Variants in NCAM1 observed in about 807,000 individuals in gnomAD.
NCAM1 encodes neural cell adhesion molecule 1.
Under a neutral mutation model 109.8 loss-of-function variants are expected in NCAM1, and 14 were observed. That is an observed-to-expected ratio of 0.13 (90% CI 0.08 to 0.20). The LOEUF (loss-of-function observed/expected upper bound fraction) is 0.20. NCAM1 is among the 10% of genes least tolerant of loss of function. The pLI is 1.00. For synonymous variants in NCAM1, 418 were observed against 442.9 expected (o/e 0.94, Z 0.70); for missense variants, 774 against 1,109.9 (o/e 0.70, Z 4.30).
At chr11:113,245,514 TAC>T (rs782379409) in intron 14 of NCAM1, among the ~76,000 whole-genome samples, 16 of 152,194 alleles carry the variant, frequency 1.1e-4, no homozygotes, top group Non-Finnish European at 1.9e-4. Flanking sequence ...GGGCCAAAGG[TAC>T]AGTTTCTGCT....
chr11:113,105,214 A>G (rs1260527690), intron 1 of NCAM1, among the ~76,000 whole-genome samples: 1 of 152,214 alleles, frequency 6.6e-6, no homozygotes, highest in Non-Finnish European at 1.5e-5. Context: ...GTGGGACCCC[A>G]GTAGCAGATG....
intron 1 of NCAM1, among the ~76,000 whole-genome samples, chr11:112,985,927 G>A (rs1555069558): frequency 6.6e-6 from 1 of 151,766 alleles, no homozygotes. Flanking sequence ...AATTGCTCTG[G>A]CTAGGACTTT....
intron 1 of NCAM1, among the ~76,000 whole-genome samples, chr11:113,001,309 C>A (rs531452277): frequency 7.2e-5 from 11 of 152,246 alleles, no homozygotes; most frequent in African/African-American, 2.2e-4. Flanking sequence ...GAAATGCTTG[C>A]CCTAGTTCAA....
intron 17 of NCAM1, among the ~76,000 whole-genome samples, chr11:113,262,517 C>T (rs1406508148): frequency 2.0e-5 from 3 of 152,198 alleles, no homozygotes; most frequent in Admixed American, 2.0e-4. Context: ...CCAAATTAAC[C>T]CTGCTGTGCT....
chr11:113,266,133 T>G (rs1328482047), intron 17 of NCAM1, among the ~76,000 whole-genome samples: 1 of 152,216 alleles, frequency 6.6e-6, no homozygotes, highest in Non-Finnish European at 1.5e-5. Context: ...CATGGAGGTT[T>G]ATATTTTTCC....
rs1330395429 is a variant in NCAM1, at chr11:113,151,904, ACC to A, written c.53-50474_53-50473del. Reference sequence around the variant, plus strand: ...GGATGGAAAATGGATGTAGGAGTGAACCACAGAACAGAAAGATCCCCAGCAGA... The same window carrying A: ...GGATGGAAAATGGATGTAGGAGTGAAACAGAACAGAAAGATCCCCAGCAGA... On this transcript the variant is annotated intron_variant, in intron 1 of 19. Transcript: ENST00000316851. Among the ~76,000 whole-genome samples the A allele has an allele frequency of 2.6e-5, 4 of 152,220 alleles. No homozygotes were observed. The East Asian group carries it at 7.7e-4, about 29-fold the overall frequency.
chr11:113,046,651 CACA>C (rs1313887727), intron 1 of NCAM1, among the ~76,000 whole-genome samples: 1 of 151,974 alleles, frequency 6.6e-6, no homozygotes, highest in Non-Finnish European at 1.5e-5. Context: ...GATGAATAAA[CACA>C]ACGATAGCTA....
At position 113,206,094 on chromosome 11, in the gene NCAM1, A is replaced by G. The variant is rs1242164811; in HGVS notation, c.542A>G (p.Lys181Arg). ...NNYLQIRGIK[K>R]TDEGTYRCEG... Reference sequence around the variant, plus strand: ...TACCTGCAGATCCGGGGCATCAAGAAAACAGATGAGGGCACTTATCGCTGT... The same window carrying G: ...TACCTGCAGATCCGGGGCATCAAGAGAACAGATGAGGGCACTTATCGCTGT... Residue 181 changes from lysine to arginine, a missense_variant, in exon 5 of 20, where the codon AAA becomes AGA. By Grantham distance (26) the Lys-to-Arg change is conservative. Coordinates refer to ENST00000316851, the MANE Select transcript of NCAM1 (RefSeq NM_181351.5). 9.3e-6 allele frequency: 15 copies of G among 1,613,880 alleles called. No homozygotes were observed. Among genetic ancestry groups the G allele is most frequent in the Non-Finnish European group, 1.3e-5 (15 of 1,179,890 alleles).
At position 113,273,057 on chromosome 11, in the gene NCAM1, A is replaced by G. The variant is rs1555125812; in HGVS notation, c.2456+1181A>G. 2 of 456,210 alleles carry G rather than the reference A, an allele frequency of 4.4e-6. No individual in the cohort carries two copies. Among genetic ancestry groups the G allele is most frequent in the Non-Finnish European group, 8.8e-6 (2 of 226,808 alleles). 28.3% of individuals were successfully genotyped at this position (456,210 alleles called of 1,614,324 possible). The stretch of plus-strand genomic sequence containing the variant: ...TCAGAACAGCCCCACCAGTGAGACC[A>G]CCACCCTGACCTCCAGTATTGCCCC... On this transcript the variant is annotated intron_variant, in intron 19 of 19. Transcript: ENST00000316851. This position sits in a 1 kb window ranked among gnomAD's most constrained non-coding sequence, Gnocchi z 6.0.
chr11:113,042,810 CCCGCTCGCCCCTTCACCCGTTGCTGTTAG>C (rs1555080168), intron 1 of NCAM1, among the ~76,000 whole-genome samples: 1 of 152,144 alleles, frequency 6.6e-6, no homozygotes, highest in Non-Finnish European at 1.5e-5. Flanking sequence ...TGCCAGATTC[CCCGCTCGCCCCTTCACCCGTTGCTGTTAG>C]ATTCATCTTC....
At chr11:113,232,923 C>T (rs1253716795) in intron 12 of NCAM1, 109 bp downstream of exon 12, 1 of 1,108,980 alleles carries the variant, frequency 9.0e-7, no homozygotes, top group Non-Finnish European at 1.3e-6. Flanking sequence ...GAAGAAAGGG[C>T]CAGGGTCAGC....
intron 17 of NCAM1, chr11:113,263,679 A>G: frequency 3.0e-6 from 3 of 985,258 alleles, no homozygotes; most frequent in Non-Finnish European, 3.6e-6. Flanking sequence ...AATCGGGGTG[A>G]CTCCCCTGCT....
In NCAM1 at chr11:113,232,191, C is replaced by T; in HGVS notation, c.1262C>T (p.Pro421Leu). 3.7e-6 allele frequency: 6 copies of T among 1,608,086 alleles called. No homozygotes were observed. The highest frequency in any genetic ancestry group is 4.2e-6 in the Non-Finnish European group (5 of 1,177,610). Reference sequence around the variant, plus strand: ...GCAGATGCCCCAAAGCTACAGGGCCCTGTGGCTGTGTACACTTGGGAGGGG... The same window carrying T: ...GCAGATGCCCCAAAGCTACAGGGCCTTGTGGCTGTGTACACTTGGGAGGGG... ...EVQYAPKLQG[P>L]VAVYTWEGNQ... The change falls in exon 11 of 20, where the codon CCT (proline) becomes CTT (leucine). Residue 421 changes from proline (P) to leucine (L), a missense_variant. Transcript: ENST00000316851.
Position 113,276,998 on chromosome 11 carries a change from T to C in NCAM1, c.*1611T>C. 1 of 218,216 alleles carries C rather than the reference T, an allele frequency of 4.6e-6. No individual in the cohort carries two copies. The highest frequency in any genetic ancestry group is 9.2e-5 in the East Asian group (1 of 10,892). The allele number at this position is 218,216 out of a possible 1,614,324, so 13.5% of individuals were successfully genotyped here. A position where few individuals can be genotyped will look rare whatever the true frequency, so the allele number is the denominator to read the frequency against. On this transcript the variant is annotated 3_prime_UTR_variant, in exon 20 of 20. Transcript: ENST00000316851. ...GAAATAAAACTTCAACATAGTTTGG[T>C]TGTGGAAGGTATAGCAGATAGTTCA...
chr11:113,110,477 C>G (rs892112008), intron 1 of NCAM1, among the ~76,000 whole-genome samples: 3 of 152,122 alleles, frequency 2.0e-5, no homozygotes, highest in African/African-American at 7.2e-5. Context: ...TAAATTCATG[C>G]CCTATTGTGG....
intron 1 of NCAM1, among the ~76,000 whole-genome samples, chr11:113,201,803 G>C (rs1944069731): frequency 3.3e-5 from 5 of 152,220 alleles, no homozygotes; most frequent in Admixed American, 3.3e-4. Context: ...TGTTGGTCCT[G>C]TAGTCGTGAG....
chr11:113,229,410 G>T (rs184473407), intron 9 of NCAM1, among the ~76,000 whole-genome samples: 1 of 152,104 alleles, frequency 6.6e-6, no homozygotes, highest in Non-Finnish European at 1.5e-5. Context: ...TTAGAATGGC[G>T]ATCATTAAAA....
rs79841929 is a variant in NCAM1, at chr11:112,977,854, A to G, written c.52+16190A>G. ...CACTCTGTGAAAGGAAGCTTGCCTT[A>G]TTTGCATTGTGCATGCACTAAGAAG... On this transcript the variant is annotated intron_variant, in intron 1 of 19. Transcript: ENST00000316851. Among the ~76,000 whole-genome samples the G allele has an allele frequency of 1.4e-4, 21 of 152,002 alleles. No individual in the cohort carries two copies. In the East Asian group the frequency reaches 4.1e-3, roughly 29 times the overall value.
intron 1 of NCAM1, among the ~76,000 whole-genome samples, chr11:113,121,466 CT>C (rs147316806): frequency 0.034 from 5,021 of 149,310 alleles, 135 homozygotes; most frequent in East Asian, 0.084. Context: ...GGTGATCCCC[CT>C]GCCTCGTCCT....
Sources: allele counts gnomAD v4.1 joint callset (sites outside exome capture counted in the v4.1 genomes callset), GRCh38; gene constraint gnomAD v4.1.1; non-coding constraint Gnocchi (gnomAD v3.1); transcripts MANE v1.5; gene names NCBI Gene and HGNC (gene_info 2026-07-23, HGNC 2026-07-21).